Variants in MASP1 observed in about 807,000 individuals in gnomAD.
The protein encoded by MASP1 is MBL associated serine protease 1, also known as mannan-binding lectin serine protease 1.
Under a neutral mutation model 77.1 loss-of-function variants are expected in MASP1, and 59 were observed. The observed-to-expected ratio is 0.77, with a 90% confidence interval of 0.62 to 0.95. The LOEUF is 0.95. Among genes scored for constraint, MASP1 ranks in the 40% least tolerant of loss-of-function variants. The pLI, the probability that MASP1 is intolerant of heterozygous loss-of-function variation, is 0.00. For synonymous variants in MASP1, 362 were observed against 354.5 expected (o/e 1.02, Z -0.24); for missense variants, 885 against 912.9 (o/e 0.97, Z 0.39).
At chr3:187,273,359 C>T (rs1448570420) in intron 2 of MASP1, among the ~76,000 whole-genome samples, 1 of 152,142 alleles carries the variant, frequency 6.6e-6, no homozygotes, top group Non-Finnish European at 1.5e-5. Context: ...AGTCCTGGGG[C>T]TGAGAGACAT....
intron 2 of MASP1, among the ~76,000 whole-genome samples, chr3:187,274,946 TCA>T (rs1456369674): frequency 2.4e-5 from 3 of 126,130 alleles, no homozygotes; most frequent in Admixed American, 1.9e-4. Flanking sequence ...GCCCACCGTC[TCA>T]GAGGGAGCTG....
rs57929155 is a variant in MASP1 at position 187,228,285 on chromosome 3, CAA to C, written c.1441+1473_1441+1474del. ...CTGGTGACAGAATGAGACTCCGTCT[CAA>C]AAAAAAAAAAAAAAAATCAAGGTTT... On this transcript the variant is annotated intron_variant, in intron 11 of 15. Coordinates refer to the MASP1 transcript ENST00000337774. Among the ~76,000 whole-genome samples, 206 of 101,856 alleles carry C rather than the reference CAA, an allele frequency of 2.0e-3. 1 individual carries two copies. The highest frequency in any genetic ancestry group is 6.5e-3 in the African/African-American group (188 of 29,090). The allele number at this position is 101,856 out of a possible 152,430, so 66.8% of individuals were successfully genotyped here.
intron 8 of MASP1, chr3:187,247,431 A>G: frequency 6.2e-7 from 1 of 1,608,714 alleles, no homozygotes; most frequent in Non-Finnish European, 8.5e-7. Flanking sequence ...GATACAGAGG[A>G]AGGAAGCAGA....
chr3:187,224,447 C>T (rs1052373061), intron 13 of MASP1, among the ~76,000 whole-genome samples: 7 of 149,406 alleles, frequency 4.7e-5, no homozygotes, highest in African/African-American at 7.4e-5. Flanking sequence ...CCCGGGTTCA[C>T]GCCATTCTCC....
At chr3:187,286,608 A>G (rs574118768) in intron 1 of MASP1, among the ~76,000 whole-genome samples, 1 of 152,362 alleles carries the variant, frequency 6.6e-6, no homozygotes, top group Non-Finnish European at 1.5e-5. Flanking sequence ...AAAAACCTAC[A>G]ACTTATTCCT....
chr3:187,226,067 T>A (rs192473442), intron 12 of MASP1, among the ~76,000 whole-genome samples: 4 of 152,232 alleles, frequency 2.6e-5, no homozygotes, highest in African/African-American at 7.2e-5. Context: ...CAGCTGGTCA[T>A]CTGATTTTAT....
At chr3:187,257,015 G>A (rs80241290) in intron 4 of MASP1, among the ~76,000 whole-genome samples, 155 bp from the exon 5 acceptor site, 3,536 of 152,188 alleles carry the variant, frequency 0.023, 47 homozygotes, top group Non-Finnish European at 0.035. Flanking sequence ...TGAAGCTCAA[G>A]GTCGCATGTC....
intron 15 of MASP1, among the ~76,000 whole-genome samples, chr3:187,220,501 T>C (rs1163958642): frequency 4.1e-5 from 6 of 145,494 alleles, no homozygotes; most frequent in Non-Finnish European, 7.6e-5. Flanking sequence ...TCTTTCTTTT[T>C]TTTTTTTTTT....
intron 2 of MASP1, among the ~76,000 whole-genome samples, chr3:187,265,113 T>A (rs146565370): frequency 2.7e-4 from 41 of 152,260 alleles, no homozygotes; most frequent in African/African-American, 9.4e-4. Context: ...ATCATCATAG[T>A]CATATATTAT....
chr3:187,233,540 T>C (rs2108509723), downstream of MASP1, among the ~76,000 whole-genome samples: 1 of 152,338 alleles, frequency 6.6e-6, no homozygotes, highest in Admixed American at 6.5e-5. Context: ...CTTTTGCCTA[T>C]ATAAGACCTA....
In MASP1 at chr3:187,234,280, G is replaced by A. The variant is rs1712950552; in HGVS notation, c.*1404C>T. ...GACACTTCCCAATCATTCCCTCTCA[G>A]GGGCTTCTCTGGCTGCCTTGCTCTG... On this transcript the variant is annotated 3_prime_UTR_variant, in exon 11 of 11. Transcript: ENST00000296280. The A allele has an allele frequency of 7.8e-7, 1 of 1,287,214 alleles. No homozygotes were observed. The highest frequency in any genetic ancestry group is 1.0e-6 in the Non-Finnish European group (1 of 988,674). 79.7% of individuals were successfully genotyped at this position (1,287,214 alleles called of 1,614,324 possible).
intron 2 of MASP1, among the ~76,000 whole-genome samples, chr3:187,277,271 C>T (rs891365799): frequency 1.3e-5 from 2 of 152,136 alleles, no homozygotes; most frequent in Non-Finnish European, 2.9e-5. Flanking sequence ...CAGGACTGTG[C>T]TTTCTACTGG....
exon 16 of MASP1, chr3:187,218,041 T>G (rs1711855542): frequency 6.6e-6 from 1 of 152,210 alleles, no homozygotes; most frequent in Admixed American, 6.5e-5. Flanking sequence ...TTGTTCTCCC[T>G]CCATGTGGAA....
At chr3:187,237,811 T>C (rs1276139003) in intron 10 of MASP1, among the ~76,000 whole-genome samples, 1 of 152,152 alleles carries the variant, frequency 6.6e-6, no homozygotes, top group Non-Finnish European at 1.5e-5. Flanking sequence ...CAGGCTACAC[T>C]CCTTGGCCTG....
rs142112097 is a variant in MASP1, at chr3:187,251,666, C to T, written c.979G>A (p.Val327Ile). The T allele has an allele frequency of 3.0e-5, 48 of 1,614,026 alleles. No individual in the cohort carries two copies. The African/African-American group carries it at 3.7e-4, about 13-fold the overall frequency. The change falls in exon 7 of 11, where the codon GTC (valine) becomes ATC (isoleucine). Residue 327 changes from valine (V) to isoleucine (I), a missense_variant. Physicochemically the swap from Val to Ile is conservative, Grantham distance 29 (BLOSUM62 3). Coordinates refer to ENST00000296280, the MANE Select transcript of MASP1 (RefSeq NM_139125.4). ...ACTTTGTAGCCTGTGTCACAGCTGA[C>T]GAGCACTTGGTCTTTGAAGAAATAC... Reference protein sequence around the residue: ...AKYFFKDQVLVSCDTGYKVLK... With the variant: ...AKYFFKDQVLISCDTGYKVLK...
At chr3:187,247,534 TG>T (rs1444628120) in intron 8 of MASP1, 6 of 900,458 alleles carry the variant, frequency 6.7e-6, no homozygotes, top group Non-Finnish European at 1.1e-5. Context: ...TGATTAAGAA[TG>T]CATAGTTTAG....
In MASP1 at chr3:187,258,250, GA is replaced by G. The variant is rs555116804; in HGVS notation, c.548-1391del. Among the ~76,000 whole-genome samples the G allele has an allele frequency of 2.7e-4, 41 of 152,332 alleles. No homozygotes were observed. The South Asian group carries it at 7.7e-3, about 28-fold the overall frequency. On this transcript the variant is annotated intron_variant, in intron 4 of 10. Coordinates refer to ENST00000296280, the MANE Select transcript of MASP1 (RefSeq NM_139125.4). The stretch of plus-strand genomic sequence containing the variant: ...CATAACTGTAGCTTTGAATGGACAA[GA>G]CATTGATTTCAGTCACTTTCTTTTG...
At chr3:187,253,385 T>TA in intron 5 of MASP1, 70 bp from the exon 6 acceptor site, 1 of 1,509,372 alleles carries the variant, frequency 6.6e-7, no homozygotes, top group Non-Finnish European at 9.2e-7. Context: ...CCACTGCAGG[T>TA]AACACCTCTC....
intron 5 of MASP1, 132 bp downstream of exon 5, chr3:187,256,532 A>G: frequency 1.2e-6 from 1 of 817,292 alleles, no homozygotes; most frequent in Non-Finnish European, 2.1e-6. Flanking sequence ...ATTTTAAATA[A>G]TGCCTTTTTG....
Sources: allele counts gnomAD v4.1 joint callset (sites outside exome capture counted in the v4.1 genomes callset), GRCh38; gene constraint gnomAD v4.1.1; transcripts MANE v1.5; gene names NCBI Gene and HGNC (gene_info 2026-07-23, HGNC 2026-07-21).